Variants in OPCML observed in about 807,000 individuals in gnomAD.
OPCML encodes the protein opioid binding protein/cell adhesion molecule like.
In OPCML, 13 loss-of-function variants were observed where a neutral mutation model predicts 37.8. The ratio of observed to expected loss-of-function variants is 0.34; its 90% CI spans 0.22 to 0.55. The LOEUF is 0.55. OPCML is among the 20% of genes least tolerant of loss of function. The pLI is 0.91. For synonymous variants in OPCML, 176 were observed against 168.8 expected, an observed-to-expected ratio of 1.04 and a Z score of -0.33; for missense variants, 341 against 435.6, an observed-to-expected ratio of 0.78 and a Z score of 1.93.
At chr11:133,517,999 G>A (rs950197804) in intron 1 of OPCML, among the ~76,000 whole-genome samples, 4 of 152,184 alleles carry the variant, frequency 2.6e-5, no homozygotes, top group East Asian at 1.9e-4. Context: ...TGCCAGTTCC[G>A]AGGAGGAGTC....
At position 132,670,548 on chromosome 11, in the gene OPCML, A is replaced by G. The variant is rs142530978; in HGVS notation, c.147-13229T>C. Reference sequence around the variant, plus strand: ...AAATTGATTTGCTTTTATTCTGTCCATAAAATTTCTGTGTAGCATATGGGG... The same window carrying G: ...AAATTGATTTGCTTTTATTCTGTCCGTAAAATTTCTGTGTAGCATATGGGG... On this transcript the variant is annotated intron_variant, in intron 2 of 7. Coordinates refer to ENST00000524381, the MANE Select transcript of OPCML (RefSeq NM_001012393.5). 7.7e-3 allele frequency among the ~76,000 whole-genome samples: 1,177 copies of G among 152,220 alleles called. 13 individuals are homozygous for G. Among genetic ancestry groups the G allele is most frequent in the African/African-American group, 0.026 (1,084 of 41,492 alleles).
At chr11:132,741,725 G>A (rs111708352) in intron 2 of OPCML, among the ~76,000 whole-genome samples, 1,975 of 152,110 alleles carry the variant, frequency 0.013, 41 homozygotes, top group African/African-American at 0.046. Flanking sequence ...AATCATATTA[G>A]GATAATTAAA....
At position 133,231,213 on chromosome 11, in the gene OPCML, C is replaced by T. The variant is rs531463313; in HGVS notation, c.62-288203G>A. ...ACCTAAGGAGTAGCTGCGGATGAAA[C>T]ATTTGAGGATAAAAAATTAAGCTCC... On this transcript the variant is annotated intron_variant, in intron 1 of 7. Transcript: ENST00000524381. Among the ~76,000 whole-genome samples the T allele has an allele frequency of 1.0e-3, 154 of 152,268 alleles. 2 individuals carry two copies. Among genetic ancestry groups the T allele is most frequent in the Non-Finnish European group, 6.8e-4 (46 of 68,030 alleles).
chr11:132,907,127 T>C (rs1374529500), intron 2 of OPCML, among the ~76,000 whole-genome samples: 1 of 152,152 alleles, frequency 6.6e-6, no homozygotes, highest in Non-Finnish European at 1.5e-5. Flanking sequence ...CCATTTTTAC[T>C]TCAAAAATTG....
chr11:132,774,133 G>A (rs1156629288), intron 2 of OPCML, among the ~76,000 whole-genome samples: 1 of 152,126 alleles, frequency 6.6e-6, no homozygotes, highest in Non-Finnish European at 1.5e-5. Context: ...TGAACAGACT[G>A]TACTCTATGT....
intron 1 of OPCML, among the ~76,000 whole-genome samples, chr11:133,013,943 C>T (rs1947268101): frequency 2.0e-5 from 3 of 152,192 alleles, no homozygotes. Context: ...TGCCCTGCCT[C>T]TATTTGCTTA....
intron 4 of OPCML, among the ~76,000 whole-genome samples, chr11:132,441,316 C>T (rs1257570812): frequency 2.0e-5 from 3 of 150,238 alleles, no homozygotes; most frequent in South Asian, 4.2e-4. Context: ...TGCAGGCGCC[C>T]GCCACTACGC....
In OPCML at chr11:133,208,023, GC is replaced by G. The variant is rs1175928332; in HGVS notation, c.62-265014del. ...CGCTTTGTAATTAAGAACTCAAACT[GC>G]ATTTAACCACCCTAGGCAAGGTTAA... On this transcript the variant is annotated intron_variant, in intron 1 of 7. Transcript: ENST00000524381. The surrounding 1 kb of genome is among the most constrained non-coding windows in gnomAD (Gnocchi z 8.9). 6.6e-6 allele frequency among the ~76,000 whole-genome samples: 1 copy of G among 152,064 alleles called. No homozygotes were observed. Among genetic ancestry groups the G allele is most frequent in the Admixed American group, 6.6e-5 (1 of 15,260 alleles).
intron 1 of OPCML, among the ~76,000 whole-genome samples, chr11:133,515,209 A>G (rs1056684889): frequency 6.6e-6 from 1 of 152,174 alleles, no homozygotes; most frequent in Non-Finnish European, 1.5e-5. Flanking sequence ...ACAAGAAGAG[A>G]AGGCCATCTT....
At chr11:132,509,162 T>G (rs1331476784) in intron 4 of OPCML, among the ~76,000 whole-genome samples, 1 of 152,184 alleles carries the variant, frequency 6.6e-6, no homozygotes, top group African/African-American at 2.4e-5. Context: ...CATTTTGTCC[T>G]TGTCCTACAG....
intron 2 of OPCML, among the ~76,000 whole-genome samples, chr11:132,745,851 G>T (rs1477390564): frequency 6.6e-6 from 1 of 152,184 alleles, no homozygotes; most frequent in African/African-American, 2.4e-5. Flanking sequence ...ACTCAGAGCA[G>T]AAACATAGCA....
chr11:132,602,509 G>A (rs959571146), intron 3 of OPCML, among the ~76,000 whole-genome samples: 23 of 152,180 alleles, frequency 1.5e-4, no homozygotes, highest in East Asian at 1.4e-3. Flanking sequence ...TCTGAGTCCC[G>A]GAAGGCAAGA....
At chr11:133,341,980 C>T (rs1053610624) in intron 1 of OPCML, among the ~76,000 whole-genome samples, 1 of 151,932 alleles carries the variant, frequency 6.6e-6, no homozygotes, top group Non-Finnish European at 1.5e-5. Flanking sequence ...TTAATAACAT[C>T]GAGCCTGAAG....
intron 1 of OPCML, chr11:133,421,709 G>C: frequency 1.1e-5 from 11 of 985,198 alleles, no homozygotes; most frequent in Non-Finnish European, 1.3e-5. Context: ...GTGTATTAAG[G>C]AATAACCAAG....
chr11:133,234,887 C>T (rs1940442076), intron 1 of OPCML, among the ~76,000 whole-genome samples: 1 of 152,118 alleles, frequency 6.6e-6, no homozygotes, highest in Admixed American at 6.5e-5. Flanking sequence ...GATCAAAGTC[C>T]AGGCTCGTCT....
chr11:132,974,437 C>T (rs1396555469), intron 1 of OPCML, among the ~76,000 whole-genome samples: 3 of 152,140 alleles, frequency 2.0e-5, no homozygotes, highest in Non-Finnish European at 4.4e-5. Context: ...AAATGCAAAT[C>T]AAAACCACAA....
At chr11:133,499,381 T>C (rs997762676) in intron 1 of OPCML, among the ~76,000 whole-genome samples, 2 of 152,220 alleles carry the variant, frequency 1.3e-5, no homozygotes, top group Admixed American at 6.5e-5. Context: ...ATCCAAATAG[T>C]GTTAACATCT....
chr11:133,283,802 T>C (rs1238265779), intron 1 of OPCML, among the ~76,000 whole-genome samples: 2 of 152,230 alleles, frequency 1.3e-5, no homozygotes, highest in Non-Finnish European at 1.5e-5. Context: ...GATAGTTCTA[T>C]GGGCTTCATG....
At chr11:133,392,970 G>A (rs546225270) in intron 1 of OPCML, among the ~76,000 whole-genome samples, 7 of 152,178 alleles carry the variant, frequency 4.6e-5, no homozygotes, top group Admixed American at 4.6e-4. Flanking sequence ...TGAGGTTGAA[G>A]GTGGCAATGC....
Sources: gnomAD v4.1 joint callset for allele counts (sites outside exome capture counted in the v4.1 genomes callset) on GRCh38, gnomAD v4.1.1 for gene constraint, Gnocchi (gnomAD v3.1) non-coding constraint, MANE v1.5 for transcripts, NCBI Gene and HGNC (gene_info 2026-07-23, HGNC 2026-07-21) for gene names.